Variants in DPP4 observed in about 807,000 individuals in gnomAD.
The protein encoded by DPP4 is ADCP-2.
Under a neutral mutation model 122.4 loss-of-function variants are expected in DPP4, and 93 were observed. The observed-to-expected ratio is 0.76, with a 90% CI of 0.64 to 0.90. DPP4 has a LOEUF of 0.90. Ranked by LOEUF, DPP4 falls within the 40% of genes least tolerant of loss-of-function variation. The pLI, the probability that DPP4 is intolerant of heterozygous loss-of-function variation, is 0.00. For synonymous variants in DPP4, 321 were observed against 302.9 expected (o/e 1.06, Z -0.62); for missense variants, 914 against 907.3 (o/e 1.01, Z -0.09).
chr2:162,009,871 T>C (rs946783278), intron 20 of DPP4, among the ~76,000 whole-genome samples: 2 of 152,100 alleles, frequency 1.3e-5, no homozygotes, highest in Non-Finnish European at 2.9e-5. Flanking sequence ...GATTAAGAAG[T>C]CTTCTTTGCC....
chr2:162,017,169 G>A lies in DPP4; in HGVS notation c.1421-14C>T. ...GCAGACCAGGACCTGTTAACACAAT[G>A]GGGGAAAAATGTTTTGGATGAATAC... On this transcript the variant is annotated splice_polypyrimidine_tract_variant and intron_variant, in intron 16 of 25. Transcript: ENST00000360534. 1 of 1,608,786 alleles carries A rather than the reference G, an allele frequency of 6.2e-7. No homozygotes were observed. The highest frequency in any genetic ancestry group is 8.5e-7 in the Non-Finnish European group (1 of 1,178,140).
intron 16 of DPP4, 150 bp downstream of exon 16, chr2:162,018,579 A>G: frequency 9.8e-7 from 1 of 1,016,884 alleles, no homozygotes; most frequent in South Asian, 2.0e-5. Flanking sequence ...GGGGAAGAAA[A>G]GATTGTTTAT....
chr2:162,018,502 G>C (rs543743455), intron 16 of DPP4, among the ~76,000 whole-genome samples: 3 of 152,298 alleles, frequency 2.0e-5, no homozygotes, highest in South Asian at 4.1e-4. Context: ...TATACACAAG[G>C]GTGTGTGTTT....
At position 161,993,125 on chromosome 2, in the gene DPP4, A is replaced by G; in HGVS notation, c.*158T>C. 2 of 587,588 alleles carry G rather than the reference A, an allele frequency of 3.4e-6. No homozygotes were observed. The highest frequency in any genetic ancestry group is 4.4e-5 in the South Asian group (2 of 45,086). The allele number at this position is 587,588 out of a possible 1,614,324, so 36.4% of individuals were successfully genotyped here. A position where few individuals can be genotyped will look rare whatever the true frequency, so the allele number is the denominator to read the frequency against. On this transcript the variant is annotated 3_prime_UTR_variant, in exon 26 of 26. Coordinates refer to ENST00000360534, the MANE Select transcript of DPP4 (RefSeq NM_001935.4). The stretch of plus-strand genomic sequence containing the variant: ...GTTGTGAAGACAGAAGTCCCTACTT[A>G]AGATGATAGGTATGAAATTTGGGAA...
chr2:162,062,605 A>C (rs533426717), intron 2 of DPP4, among the ~76,000 whole-genome samples: 66 of 152,320 alleles, frequency 4.3e-4, no homozygotes, highest in African/African-American at 1.5e-3. Flanking sequence ...TTACTTGTTG[A>C]CTATAAGCCA....
At chr2:162,003,539 T>C (rs2268893) in intron 23 of DPP4, among the ~76,000 whole-genome samples, 1 of 152,164 alleles carries the variant, frequency 6.6e-6, no homozygotes, top group South Asian at 2.1e-4. Context: ...CTTTTTAAAA[T>C]ATAATTTTTT....
At chr2:162,057,264 A>G (rs554872437) in intron 2 of DPP4, among the ~76,000 whole-genome samples, 2 of 152,156 alleles carry the variant, frequency 1.3e-5, no homozygotes, top group African/African-American at 4.8e-5. Context: ...AGACTATTAC[A>G]ACTCAGGTTC....
chr2:162,043,198 T>G (rs927214873), intron 5 of DPP4, among the ~76,000 whole-genome samples: 2 of 152,116 alleles, frequency 1.3e-5, no homozygotes, highest in African/African-American at 4.8e-5. Flanking sequence ...GCTCCTCAAG[T>G]GATCCTAAGG....
chr2:162,029,682 C>T (rs953615028), intron 10 of DPP4, among the ~76,000 whole-genome samples: 14 of 152,186 alleles, frequency 9.2e-5, no homozygotes, highest in African/African-American at 3.4e-4. Context: ...TCTATTGTGT[C>T]ATCCAGGAGC....
rs1184628631 is a variant in DPP4, at chr2:161,997,842, G to A, written c.2053-2470C>T. On this transcript the variant is annotated intron_variant, in intron 23 of 25. Transcript: ENST00000360534. ...CTCAGAAGGTGAGTAACCTGCACCC[G>A]GTCACAACTACAGCAAGTGTCAGAG... Among the ~76,000 whole-genome samples, 6 of 152,110 alleles carry A rather than the reference G, an allele frequency of 3.9e-5. No homozygotes were observed. In the East Asian group the frequency reaches 1.2e-3, roughly 29 times the overall value.
chr2:162,042,341 G>A (rs1253001342), intron 5 of DPP4, among the ~76,000 whole-genome samples: 2 of 152,184 alleles, frequency 1.3e-5, no homozygotes, highest in African/African-American at 2.4e-5. Context: ...ACTAGGCAAT[G>A]AGCAGAGATG....
intron 2 of DPP4, among the ~76,000 whole-genome samples, chr2:162,059,572 T>A (rs1469260781): frequency 1.3e-5 from 2 of 152,208 alleles, no homozygotes; most frequent in African/African-American, 4.8e-5. Context: ...AAAGATCAGC[T>A]CATGTTTAAA....
At chr2:162,040,129 C>T (rs1206753561) in intron 5 of DPP4, among the ~76,000 whole-genome samples, 1 of 152,008 alleles carries the variant, frequency 6.6e-6, no homozygotes, top group Non-Finnish European at 1.5e-5. Flanking sequence ...ATCTAATAAA[C>T]AAATTGAATC....
intron 2 of DPP4, among the ~76,000 whole-genome samples, chr2:162,052,486 G>T (rs1008397572): frequency 8.5e-5 from 13 of 152,068 alleles, no homozygotes; most frequent in African/African-American, 3.1e-4. Flanking sequence ...TTTTAATCTG[G>T]CACTTCTCAG....
chr2:162,033,662 A>G lies in DPP4; in HGVS notation c.775-9T>C, dbSNP rs1327988841. On this transcript the variant is annotated splice_polypyrimidine_tract_variant and intron_variant, in intron 9 of 25. Transcript: ENST00000360534. Reference sequence around the variant, plus strand: ...GGATTCACAGCTCCTGCCTAGGAAAAAATAATCACAGAATTGGTATTGACA... The same window carrying G: ...GGATTCACAGCTCCTGCCTAGGAAAGAATAATCACAGAATTGGTATTGACA... 10 of 1,592,530 alleles carry G rather than the reference A, an allele frequency of 6.3e-6. No individual in the cohort carries two copies. The highest frequency in any genetic ancestry group is 1.4e-5 in the African/African-American group (1 of 73,112).
intron 23 of DPP4, among the ~76,000 whole-genome samples, chr2:162,000,295 A>G (rs1413839191): frequency 2.0e-5 from 3 of 152,140 alleles, no homozygotes; most frequent in African/African-American, 4.8e-5. Flanking sequence ...AATGTTTAAG[A>G]AAAGAATGAC....
rs189981336 is a variant in DPP4, at chr2:161,997,073, T to C, written c.2053-1701A>G. Among the ~76,000 whole-genome samples the C allele has an allele frequency of 3.4e-3, 512 of 152,330 alleles. 3 individuals carry two copies. Among genetic ancestry groups the C allele is most frequent in the African/African-American group, 0.012 (479 of 41,586 alleles). On this transcript the variant is annotated intron_variant, in intron 23 of 25. Transcript: ENST00000360534. ...ACTTTCAGGACAGAGCCACCCAAAA[T>C]GTTTCAGTCGAATGAATGTCCCAAG...
At chr2:162,029,611 T>C (rs1044746862) in intron 10 of DPP4, among the ~76,000 whole-genome samples, 7 of 152,362 alleles carry the variant, frequency 4.6e-5, no homozygotes, top group Admixed American at 4.6e-4. Flanking sequence ...GAGGCTTTGA[T>C]GTTGCAGCTT....
rs201869026 is a variant in DPP4 at position 162,038,371 on chromosome 2, T to C, written c.544A>G (p.Ser182Gly). 6.2e-7 allele frequency: 1 copy of C among 1,608,712 alleles called. No homozygotes were observed. The highest frequency in any genetic ancestry group is 8.5e-7 in the Non-Finnish European group (1 of 1,176,980). The change falls in exon 8 of 26, where the codon AGT becomes GGT. Residue 182 changes from serine (S) to glycine (G), a missense_variant. Transcript: ENST00000360534. ...TTCCCCGTCCATGTGATTCTGTAAC[T>C]TGGTAAATTTGGTTCAATTTTAACA... ...IYVKIEPNLP[S>G]YRITWTGKED... is the part of the protein sequence containing the mutation.
Sources: allele counts gnomAD v4.1 joint callset (sites outside exome capture counted in the v4.1 genomes callset), GRCh38; gene constraint gnomAD v4.1.1; transcripts MANE v1.5; gene names NCBI Gene and HGNC (gene_info 2026-07-23, HGNC 2026-07-21).